The following TMEM132D variants were observed in gnomAD, a reference collection of about 807,000 sequenced individuals.
TMEM132D encodes the protein transmembrane protein 132D, also known as mature OL transmembrane protein.
In TMEM132D, 21 loss-of-function variants were observed where a neutral mutation model predicts 62.3. That is an observed-to-expected ratio of 0.34 (90% CI 0.24 to 0.49). TMEM132D has a LOEUF of 0.49. TMEM132D is among the 20% of genes least tolerant of loss of function. The pLI is 0.99. For synonymous variants in TMEM132D, 621 were observed against 575.6 expected (o/e 1.08, Z -1.13); for missense variants, 1,346 against 1,402.8 (o/e 0.96, Z 0.65).
intron 4 of TMEM132D, 38 bp downstream of exon 4, chr12:129,337,596 G>A (rs1346119239): frequency 2.5e-6 from 4 of 1,569,592 alleles, no homozygotes; most frequent in Admixed American, 3.5e-5. Flanking sequence ...CCCCTCCCCC[G>A]AGTTCAGTTC....
At chr12:129,580,201 G>A (rs1877804998) in intron 2 of TMEM132D, among the ~76,000 whole-genome samples, 1 of 152,158 alleles carries the variant, frequency 6.6e-6, no homozygotes, top group African/African-American at 2.4e-5. Flanking sequence ...TTTCTGGGAT[G>A]CAAACACCTT....
chr12:129,227,852 G>A (rs1003151822), intron 4 of TMEM132D, among the ~76,000 whole-genome samples: 5 of 152,000 alleles, frequency 3.3e-5, no homozygotes, highest in African/African-American at 1.2e-4. Flanking sequence ...TGCGGTGTTT[G>A]GTTTTTTGTC....
chr12:129,621,312 A>G lies in TMEM132D; in HGVS notation c.968+78498T>C, dbSNP rs1879060603. Reference sequence around the variant, plus strand: ...GGCCTTCCTGCCCAAACAGCACCCGACTGTCCCCACCTGCCATCACCCTGG... The same window carrying G: ...GGCCTTCCTGCCCAAACAGCACCCGGCTGTCCCCACCTGCCATCACCCTGG... On this transcript the variant is annotated intron_variant, in intron 2 of 8. Coordinates refer to ENST00000422113, the MANE Select transcript of TMEM132D (RefSeq NM_133448.3). 3.3e-5 allele frequency among the ~76,000 whole-genome samples: 5 copies of G among 151,938 alleles called. No homozygotes were observed. The South Asian group carries it at 1.0e-3, about 32-fold the overall frequency.
chr12:129,160,536 T>C (rs1877372155), intron 5 of TMEM132D, among the ~76,000 whole-genome samples: 1 of 152,218 alleles, frequency 6.6e-6, no homozygotes, highest in Admixed American at 6.5e-5. Flanking sequence ...GAAACTAACA[T>C]GAAGGAAGCC....
chr12:129,275,378 C>T (rs997371200), intron 4 of TMEM132D, among the ~76,000 whole-genome samples: 2 of 152,148 alleles, frequency 1.3e-5, no homozygotes, highest in Non-Finnish European at 2.9e-5. Flanking sequence ...CATAGAACTA[C>T]CCCAAATCAT....
intron 2 of TMEM132D, among the ~76,000 whole-genome samples, chr12:129,557,214 A>C (rs1332746169): frequency 6.6e-6 from 1 of 152,156 alleles, no homozygotes. Flanking sequence ...TTTTACGTTC[A>C]AATATCTTTT....
chr12:129,434,895 C>T (rs1232076205), intron 3 of TMEM132D, among the ~76,000 whole-genome samples: 1 of 152,124 alleles, frequency 6.6e-6, no homozygotes, highest in African/African-American at 2.4e-5. Context: ...TACAGTGCTG[C>T]AGCACACCAG....
chr12:129,301,489 T>G (rs960407961), intron 4 of TMEM132D, among the ~76,000 whole-genome samples: 1 of 152,116 alleles, frequency 6.6e-6, no homozygotes, highest in African/African-American at 2.4e-5. Context: ...TCCATGCTAA[T>G]TACTTCCTCA....
At chr12:129,516,528 C>CT in intron 3 of TMEM132D, among the ~76,000 whole-genome samples, 1 of 152,156 alleles carries the variant, frequency 6.6e-6, no homozygotes, top group Admixed American at 6.5e-5. Context: ...GGGGCTTCCC[C>CT]TTATAATACC....
chr12:129,342,241 G>A (rs1438838291), intron 3 of TMEM132D, among the ~76,000 whole-genome samples: 1 of 152,086 alleles, frequency 6.6e-6, no homozygotes, highest in East Asian at 1.9e-4. Flanking sequence ...TAGACCAATG[G>A]AACAGAACAG....
chr12:129,157,061 C>T lies in TMEM132D; in HGVS notation c.1443+52459G>A, dbSNP rs1283133899. 2.6e-5 allele frequency among the ~76,000 whole-genome samples: 4 copies of T among 152,008 alleles called. No homozygotes were observed. The East Asian group carries it at 7.7e-4, about 29-fold the overall frequency. Reference sequence around the variant, plus strand: ...CCCCTACAATAATTAATCAACTTCTCCAATAACTAGCCCACTCCTAAAATA... The same window carrying T: ...CCCCTACAATAATTAATCAACTTCTTCAATAACTAGCCCACTCCTAAAATA... On this transcript the variant is annotated intron_variant, in intron 5 of 8. Transcript: ENST00000422113.
At chr12:129,212,832 G>A (rs1254406772) in intron 4 of TMEM132D, among the ~76,000 whole-genome samples, 1 of 111,926 alleles carries the variant, frequency 8.9e-6, no homozygotes, top group Non-Finnish European at 1.9e-5. Context: ...GGCTGGATGT[G>A]GCACTGAGAA....
intron 4 of TMEM132D, among the ~76,000 whole-genome samples, chr12:129,298,724 C>T (rs1881636078): frequency 6.6e-6 from 1 of 152,128 alleles, no homozygotes; most frequent in South Asian, 2.1e-4. Flanking sequence ...TGAGTGAAAT[C>T]CTGCGGTATT....
chr12:129,496,797 C>T (rs1224919806), intron 3 of TMEM132D, among the ~76,000 whole-genome samples: 1 of 152,200 alleles, frequency 6.6e-6, no homozygotes, highest in East Asian at 1.9e-4. Flanking sequence ...TTGACAATCA[C>T]TCGTGCTCAC....
chr12:129,401,013 C>A (rs1156289342), intron 3 of TMEM132D, among the ~76,000 whole-genome samples: 1 of 152,164 alleles, frequency 6.6e-6, no homozygotes, highest in Non-Finnish European at 1.5e-5. Context: ...AGACTCTCCT[C>A]TTCCATTACA....
chr12:129,837,064 C>T (rs548854545), intron 1 of TMEM132D, among the ~76,000 whole-genome samples: 15 of 152,268 alleles, frequency 9.9e-5, no homozygotes, highest in East Asian at 5.8e-4. Flanking sequence ...AACCATGACA[C>T]GTTTGTTGTC....
intron 1 of TMEM132D, among the ~76,000 whole-genome samples, chr12:129,706,479 C>T (rs2137232445): frequency 6.6e-6 from 1 of 151,974 alleles, no homozygotes; most frequent in African/African-American, 2.4e-5. Flanking sequence ...ATACAGCCCC[C>T]AAATTAATGT....
Position 129,297,112 on chromosome 12 carries a change from G to C in TMEM132D, c.1299+40522C>G, listed in dbSNP as rs11060241. ...CCCTAGGGAAGGACAGCCTGGACAC[G>C]CAGGGAGACCCCCGTCTTTAGTGTC... On this transcript the variant is annotated intron_variant, in intron 4 of 8. Transcript: ENST00000422113. Among the ~76,000 whole-genome samples, 33 of 152,300 alleles carry C rather than the reference G, an allele frequency of 2.2e-4. No homozygotes were observed. In the East Asian group the frequency reaches 6.0e-3, roughly 28 times the overall value.
chr12:129,488,535 G>A (rs117482528), intron 3 of TMEM132D, among the ~76,000 whole-genome samples: 1,843 of 152,210 alleles, frequency 0.012, 37 homozygotes, highest in East Asian at 0.06. Context: ...ATAGCTGGGT[G>A]TGGTGGCATA....
Sources: allele counts gnomAD v4.1 joint callset (sites outside exome capture counted in the v4.1 genomes callset), GRCh38; gene constraint gnomAD v4.1.1; transcripts MANE v1.5; gene names NCBI Gene and HGNC (gene_info 2026-07-23, HGNC 2026-07-21).